TMEM255A: variants seen among roughly 807,000 people sequenced by gnomAD.
TMEM255A encodes family with sequence similarity 70, member A.
TMEM255A carries 14 observed loss-of-function variants against 23.5 expected under a neutral mutation model. The ratio of observed to expected loss-of-function variants is 0.60; its 90% CI spans 0.39 to 0.93. The LOEUF is 0.93. Among genes scored for constraint, TMEM255A ranks in the 40% least tolerant of loss-of-function variants. The pLI is 0.00. For synonymous variants in TMEM255A, 104 were observed against 100.3 expected, an observed-to-expected ratio of 1.04 and a Z score of -0.22; for missense variants, 233 against 261.7, an observed-to-expected ratio of 0.89 and a Z score of 0.76.
chrX:120,311,357 C>T lies in TMEM255A; in HGVS notation c.-48G>A. ...CAGTCCCCGAAGCTGCTTCAAGCGCCCCCGGCTCTGGGCGCCCCGCAGAGC... is the reference window on the plus strand; with the variant it reads ...CAGTCCCCGAAGCTGCTTCAAGCGCTCCCGGCTCTGGGCGCCCCGCAGAGC... On this transcript the variant is annotated 5_prime_UTR_variant, in exon 1 of 9. Coordinates refer to ENST00000371369, the MANE Select transcript of TMEM255A (RefSeq NM_001104544.3). 2.7e-6 allele frequency: 3 copies of T among 1,095,666 alleles called. No individual in the cohort carries two copies. Among genetic ancestry groups the T allele is most frequent in the Non-Finnish European group, 3.7e-6 (3 of 806,910 alleles). 90.3% of individuals were successfully genotyped at this position (1,095,666 alleles called of 1,213,427 possible).
At chrX:120,279,453 C>T (rs908985353) in intron 6 of TMEM255A, among the ~76,000 whole-genome samples, 7 of 112,399 alleles carry the variant, frequency 6.2e-5, no homozygotes, top group Non-Finnish European at 1.3e-4. Flanking sequence ...CCCCCAAAAA[C>T]GGACAGCTGT....
chrX:120,309,742 C>T (rs1395342675), intron 1 of TMEM255A, among the ~76,000 whole-genome samples: 1 of 111,242 alleles, frequency 9.0e-6, no homozygotes, highest in Admixed American at 9.4e-5. Flanking sequence ...CTCCCTCTCC[C>T]TCTGTATGTG....
intron 6 of TMEM255A, among the ~76,000 whole-genome samples, chrX:120,284,449 T>C (rs1317741965): frequency 1.8e-5 from 2 of 109,937 alleles, no homozygotes; most frequent in African/African-American, 6.6e-5. Context: ...CCAACTACTT[T>C]CAGGTCTGCA....
At chrX:120,284,864 T>C (rs1223291213) in intron 6 of TMEM255A, among the ~76,000 whole-genome samples, 1 of 112,289 alleles carries the variant, frequency 8.9e-6, no homozygotes, top group African/African-American at 3.2e-5. Context: ...GTCTGTTTCC[T>C]TTGAACTTCA....
At chrX:120,311,177 G>T in intron 1 of TMEM255A, 75 bp downstream of exon 1, 2 of 933,964 alleles carry the variant, frequency 2.1e-6, no homozygotes, top group Non-Finnish European at 3.0e-6. Context: ...TGGGGCAGCT[G>T]GGGCGTTCAC....
chrX:120,259,346 TAAACTG>T lies in TMEM255A; in HGVS notation c.*1518_*1523del, dbSNP rs1300471254. The T allele has an allele frequency of 8.9e-6, 1 of 112,639 alleles. No homozygotes were observed. The highest frequency in any genetic ancestry group is 3.2e-5 in the African/African-American group (1 of 30,797). The allele number at this position is 112,639 out of a possible 1,213,427, so 9.3% of individuals were successfully genotyped here. A position where few individuals can be genotyped will look rare whatever the true frequency, so the allele number is the denominator to read the frequency against. On this transcript the variant is annotated 3_prime_UTR_variant, in exon 9 of 9. Coordinates refer to ENST00000371369, the MANE Select transcript of TMEM255A (RefSeq NM_001104544.3). ...TAAGAACATTCATGATGCTGAAAGT[TAAACTG>T]AATATCTTGCAAACATTTACTGTTA...
chrX:120,269,444 C>G (rs781950748), intron 7 of TMEM255A, among the ~76,000 whole-genome samples: 18 of 112,242 alleles, frequency 1.6e-4, no homozygotes, highest in Non-Finnish European at 3.0e-4. Context: ...TGGAACATAG[C>G]TACAGCACAT....
downstream of TMEM255A, chrX:120,257,344 A>G (rs1357986196): frequency 4.9e-5 from 6 of 122,601 alleles, no homozygotes; most frequent in African/African-American, 1.9e-4. Flanking sequence ...ATGCTATTTC[A>G]CCAGTTAGAC....
downstream of TMEM255A, chrX:120,257,750 T>C (rs781784067): frequency 3.4e-4 from 42 of 123,312 alleles, no homozygotes; most frequent in African/African-American, 1.3e-3. Flanking sequence ...AAATACTTCT[T>C]TGGGGCAAAA....
chrX:120,310,460 G>T (rs1365657156), intron 1 of TMEM255A, among the ~76,000 whole-genome samples: 14 of 111,074 alleles, frequency 1.3e-4, no homozygotes, highest in Admixed American at 5.6e-4. Flanking sequence ...CCTCCATTCC[G>T]CCCTGCGAGG....
rs189888467 is a variant in TMEM255A at position 120,286,766 on chromosome X, C to T, written c.423+388G>A. On this transcript the variant is annotated intron_variant, in intron 5 of 8. Coordinates refer to ENST00000371369, the MANE Select transcript of TMEM255A (RefSeq NM_001104544.3). Reference sequence around the variant, plus strand: ...TGCCTCCGTAGTTCAGGCCTAGTGCCCTGGTGGGGCTTCCACTTTTATTCC... The same window carrying T: ...TGCCTCCGTAGTTCAGGCCTAGTGCTCTGGTGGGGCTTCCACTTTTATTCC... Among the ~76,000 whole-genome samples the T allele has an allele frequency of 5.0e-4, 56 of 111,696 alleles. No homozygotes were observed. The East Asian group carries it at 0.016, about 31-fold the overall frequency.
chrX:120,285,616 C>A, intron 5 of TMEM255A: 1 of 1,211,069 alleles, frequency 8.3e-7, no homozygotes, highest in Non-Finnish European at 1.1e-6. Flanking sequence ...CTCTGAAGTA[C>A]AATAGTACCT....
At chrX:120,256,062 A>G (rs1168384941), downstream of TMEM255A, 1 of 123,233 alleles carries the variant, frequency 8.1e-6, no homozygotes, top group Admixed American at 9.5e-5. Flanking sequence ...CCTGGCTTTC[A>G]TTGCCATAGT....
At chrX:120,261,670 G>A (rs1345011189) in intron 8 of TMEM255A, among the ~76,000 whole-genome samples, 1 of 112,341 alleles carries the variant, frequency 8.9e-6, no homozygotes, top group African/African-American at 3.2e-5. Context: ...AGGCATGGAG[G>A]TGAGAATGAG....
intron 7 of TMEM255A, among the ~76,000 whole-genome samples, chrX:120,270,115 T>C (rs1472048947): frequency 2.7e-5 from 3 of 110,292 alleles, no homozygotes; most frequent in East Asian, 5.6e-4. Flanking sequence ...ATAGAGAAAA[T>C]GGACAAGCCA....
At chrX:120,255,508 A>G, downstream of TMEM255A, 1 of 855,960 alleles carries the variant, frequency 1.2e-6, no homozygotes, top group Non-Finnish European at 1.6e-6. Flanking sequence ...AAAACAAATT[A>G]AGGTGCGAAC....
intron 2 of TMEM255A, among the ~76,000 whole-genome samples, chrX:120,299,165 A>G (rs782126520): frequency 3.8e-4 from 43 of 111,739 alleles, no homozygotes; most frequent in Admixed American, 3.6e-3. Context: ...TTATTTAGAG[A>G]CAGGATCTCA....
chrX:120,267,808 T>C (rs2057727054), intron 8 of TMEM255A, among the ~76,000 whole-genome samples: 1 of 111,629 alleles, frequency 9.0e-6, no homozygotes, highest in Non-Finnish European at 1.9e-5. Context: ...TTCAAACCCT[T>C]GTGTGGCTCA....
intron 2 of TMEM255A, among the ~76,000 whole-genome samples, chrX:120,296,980 AT>A (rs1556024705): frequency 2.9e-4 from 1 of 3,504 alleles, no homozygotes; most frequent in African/African-American, 1.8e-3. Flanking sequence ...TATTATATAT[AT>A]TATATATATA....
Sources: allele counts gnomAD v4.1 joint callset (sites outside exome capture counted in the v4.1 genomes callset), GRCh38; gene constraint gnomAD v4.1.1; transcripts MANE v1.5; gene names NCBI Gene and HGNC (gene_info 2026-07-23, HGNC 2026-07-21).